The following MRTFA variants were observed in gnomAD, a reference collection of about 807,000 sequenced individuals.
MRTFA encodes myocardin-related transcription factor A.
In MRTFA, 20 loss-of-function variants were observed where a neutral mutation model predicts 83.5. That is an observed-to-expected ratio of 0.24 (90% CI 0.17 to 0.35). The LOEUF (loss-of-function observed/expected upper bound fraction) is 0.35, where lower values mean the gene tolerates loss of function less well. MRTFA is among the 10% of genes least tolerant of loss of function. The pLI is 1.00. For synonymous variants in MRTFA, 659 were observed against 541.2 expected, an observed-to-expected ratio of 1.22 and a Z score of -3.02; for missense variants, 1,200 against 1,224.7, an observed-to-expected ratio of 0.98 and a Z score of 0.30.
intron 14 of MRTFA, among the ~76,000 whole-genome samples, chr22:40,413,784 G>A (rs1486081925): frequency 6.6e-6 from 1 of 152,156 alleles, no homozygotes; most frequent in Non-Finnish European, 1.5e-5. Flanking sequence ...AATGTGCAAA[G>A]GACTTGGCCA....
chr22:40,502,462 G>A (rs2054508132), intron 3 of MRTFA, among the ~76,000 whole-genome samples: 3 of 134,632 alleles, frequency 2.2e-5, no homozygotes, highest in African/African-American at 5.6e-5. Flanking sequence ...CTCAGACGAT[G>A]GGCGGCCGGG....
Position 40,420,965 on chromosome 22 carries a change from TGG to T in MRTFA, c.1061_1062del (p.Pro354HisfsTer62). On this transcript the variant is annotated frameshift_variant, in exon 10 of 15. Coordinates refer to ENST00000355630, the MANE Select transcript of MRTFA (RefSeq NM_020831.6). LOFTEE classifies it high-confidence loss of function. ...AGGATCTTGGCGTAGGATGAGTCCA[TGG>T]GGGGTGCCCCCCTGTCCTGCTTCTG... The T allele has an allele frequency of 6.2e-7, 1 of 1,613,352 alleles. No homozygotes were observed. The highest frequency in any genetic ancestry group is 1.1e-5 in the South Asian group (1 of 91,012).
At chr22:40,538,999 T>C (rs888289348) in intron 3 of MRTFA, among the ~76,000 whole-genome samples, 2 of 144,586 alleles carry the variant, frequency 1.4e-5, no homozygotes, top group Admixed American at 6.9e-5. Flanking sequence ...TGTTTTTTTT[T>C]TTTTTTTTTT....
chr22:40,583,660 T>C (rs977036047), intron 2 of MRTFA, among the ~76,000 whole-genome samples: 3 of 152,176 alleles, frequency 2.0e-5, no homozygotes, highest in Non-Finnish European at 4.4e-5. Flanking sequence ...TAGATTCTCA[T>C]AGGCAGCATT....
intron 1 of MRTFA, among the ~76,000 whole-genome samples, chr22:40,597,380 G>C (rs756333927): frequency 3.2e-4 from 49 of 152,178 alleles, no homozygotes; most frequent in Non-Finnish European, 6.0e-4. Flanking sequence ...ACTAGTTTTT[G>C]CTTGACAACA....
At chr22:40,458,218 G>C (rs993119416) in intron 4 of MRTFA, among the ~76,000 whole-genome samples, 7 of 152,226 alleles carry the variant, frequency 4.6e-5, no homozygotes, top group African/African-American at 1.7e-4. Context: ...GACCATACAA[G>C]CCTCTGCTAT....
chr22:40,423,207 G>A (rs919476846), intron 9 of MRTFA, among the ~76,000 whole-genome samples: 6 of 152,236 alleles, frequency 3.9e-5, no homozygotes, highest in African/African-American at 1.4e-4. Flanking sequence ...TCACTTCTCA[G>A]CTCCTCTCTT....
At chr22:40,448,903 A>C (rs1263040237) in intron 4 of MRTFA, among the ~76,000 whole-genome samples, 1 of 152,186 alleles carries the variant, frequency 6.6e-6, no homozygotes, top group Non-Finnish European at 1.5e-5. Context: ...AGCATTGGAG[A>C]TGAACGCTCA....
At position 40,507,225 on chromosome 22, in the gene MRTFA, GT is replaced by G. The variant is rs1569302632; in HGVS notation, c.242-43940del. On this transcript the variant is annotated intron_variant, in intron 3 of 14. Transcript: ENST00000355630. ...AAATACAAAAAATTAGCCAGGCGTGGTGGCATGCATCTGCAGTCCCAGCTAC... is the reference window on the plus strand; with the variant it reads ...AAATACAAAAAATTAGCCAGGCGTGGGGCATGCATCTGCAGTCCCAGCTAC... Among the ~76,000 whole-genome samples, 8 of 152,264 alleles carry G rather than the reference GT, an allele frequency of 5.3e-5. No individual in the cohort carries two copies. In the South Asian group the frequency reaches 1.7e-3, roughly 32 times the overall value.
At chr22:40,457,136 G>A (rs1456950448) in intron 4 of MRTFA, among the ~76,000 whole-genome samples, 4 of 152,112 alleles carry the variant, frequency 2.6e-5, no homozygotes, top group Non-Finnish European at 5.9e-5. Flanking sequence ...AGGCTGAGGT[G>A]GGCAGATCAC....
chr22:40,636,292 C>G (rs981994601), intron 1 of MRTFA, among the ~76,000 whole-genome samples, 186 bp downstream of exon 1: 1 of 152,088 alleles, frequency 6.6e-6, no homozygotes, highest in African/African-American at 2.4e-5. Context: ...GCACAGTGAC[C>G]GCCGCTCTGC....
intron 3 of MRTFA, among the ~76,000 whole-genome samples, chr22:40,491,265 C>A (rs1358813887): frequency 6.6e-6 from 1 of 152,014 alleles, no homozygotes; most frequent in Non-Finnish European, 1.5e-5. Flanking sequence ...TCACTTGGGC[C>A]CAGGAGGTGG....
At chr22:40,549,730 T>G (rs2055416822) in intron 3 of MRTFA, among the ~76,000 whole-genome samples, 1 of 152,212 alleles carries the variant, frequency 6.6e-6, no homozygotes, top group Non-Finnish European at 1.5e-5. Context: ...TACTAGTGTC[T>G]GCAATTTACT....
At chr22:40,495,445 C>T (rs955825020) in intron 3 of MRTFA, among the ~76,000 whole-genome samples, 8 of 145,320 alleles carry the variant, frequency 5.5e-5, no homozygotes, top group Admixed American at 4.8e-4. Flanking sequence ...GAGCAAGACT[C>T]CGTCTCAAAA....
At chr22:40,632,616 A>C (rs1251458699) in intron 1 of MRTFA, among the ~76,000 whole-genome samples, 1 of 152,056 alleles carries the variant, frequency 6.6e-6, no homozygotes, top group African/African-American at 2.4e-5. Context: ...TTGTATTTTT[A>C]GTAGCGACGG....
intron 2 of MRTFA, among the ~76,000 whole-genome samples, chr22:40,582,223 T>C (rs1309268492): frequency 3.9e-5 from 6 of 152,246 alleles, no homozygotes; most frequent in Admixed American, 3.9e-4. Context: ...TCAAGGTTTA[T>C]CCATGTTGAA....
rs2054613261 is a variant in MRTFA, at chr22:40,508,337, C to T, written c.241+43769G>A. On this transcript the variant is annotated intron_variant, in intron 3 of 14. Transcript: ENST00000355630. ...CCAGCCTGACCGACATGGTGAAACC[C>T]CACGTCTATTAAAAGTACAAAAAAA... Among the ~76,000 whole-genome samples, 5 of 151,778 alleles carry T rather than the reference C, an allele frequency of 3.3e-5. No homozygotes were observed. The South Asian group carries it at 1.0e-3, about 32-fold the overall frequency.
intron 3 of MRTFA, chr22:40,533,461 C>CATTT: frequency 2.2e-6 from 1 of 448,526 alleles, no homozygotes; most frequent in Middle Eastern, 5.9e-4. Context: ...AAATGCAGTA[C>CATTT]ATTTCTTCCT....
chr22:40,591,134 AAAAT>A (rs546585769), intron 2 of MRTFA, among the ~76,000 whole-genome samples: 5 of 152,076 alleles, frequency 3.3e-5, no homozygotes, highest in Admixed American at 1.3e-4. Context: ...ACTCCGTCTC[AAAAT>A]AAATAAATAA....
Sources: allele counts gnomAD v4.1 joint callset (sites outside exome capture counted in the v4.1 genomes callset), GRCh38; gene constraint gnomAD v4.1.1; transcripts MANE v1.5; gene names NCBI Gene and HGNC (gene_info 2026-07-23, HGNC 2026-07-21).